Variants in UNC5C observed in about 807,000 individuals in gnomAD.
UNC5C encodes the protein unc-5 netrin receptor C, also known as netrin receptor UNC5C.
A neutral mutation model predicts 99.8 loss-of-function variants in UNC5C; 47 were observed. The ratio of observed to expected loss-of-function variants is 0.47; its 90% CI spans 0.37 to 0.60. The LOEUF is 0.60. Among genes scored for constraint, UNC5C ranks in the 20% least tolerant of loss-of-function variants. The probability of loss-of-function intolerance (pLI) is 0.00; values close to 1 mark genes in which losing one functional copy is unlikely to be tolerated. For missense variants in UNC5C, 1,062 were observed against 1,165.9 expected (o/e 0.91, Z 1.30); for synonymous variants, 487 against 452.2 (o/e 1.08, Z -0.98).
chr4:95,239,776 A>C (rs1044646834), intron 7 of UNC5C, among the ~76,000 whole-genome samples: 4 of 152,126 alleles, frequency 2.6e-5, no homozygotes, highest in Non-Finnish European at 1.5e-5. Context: ...TTAACAAGGA[A>C]ATATATCTGA....
Position 95,165,490 on chromosome 4 carries a change from C to T in UNC5C, c.*3744G>A, listed in dbSNP as rs1027016904. 1 of 152,168 alleles carries T rather than the reference C, an allele frequency of 6.6e-6. No homozygotes were observed. The highest frequency in any genetic ancestry group is 1.5e-5 in the Non-Finnish European group (1 of 68,046). The allele number at this position is 152,168 out of a possible 1,614,324, so 9.4% of individuals were successfully genotyped here. ...GTTAGCTGTGAGAACCTTGGTGTTA[C>T]ACAGGTTTGTCATCACCATGCCAGT... On this transcript the variant is annotated 3_prime_UTR_variant, in exon 16 of 16. Coordinates refer to ENST00000453304, the MANE Select transcript of UNC5C (RefSeq NM_003728.4).
chr4:95,240,290 A>AT (rs941846266), intron 7 of UNC5C, among the ~76,000 whole-genome samples: 5 of 152,080 alleles, frequency 3.3e-5, no homozygotes, highest in African/African-American at 9.7e-5. Flanking sequence ...AAACAATATT[A>AT]TTTTTTTACA....
intron 1 of UNC5C, among the ~76,000 whole-genome samples, chr4:95,522,315 C>T (rs1385490364): frequency 6.6e-6 from 1 of 152,064 alleles, no homozygotes; most frequent in African/African-American, 2.4e-5. Flanking sequence ...GAGCTTTAAA[C>T]AATCGATTTT....
intron 12 of UNC5C, among the ~76,000 whole-genome samples, chr4:95,188,307 G>A (rs1736916453): frequency 6.6e-6 from 1 of 152,108 alleles, no homozygotes; most frequent in South Asian, 2.1e-4. Flanking sequence ...TTGCACTAAA[G>A]ACGTTCATGA....
At chr4:95,405,409 C>T (rs919689746) in intron 1 of UNC5C, among the ~76,000 whole-genome samples, 2 of 152,160 alleles carry the variant, frequency 1.3e-5, no homozygotes, top group African/African-American at 4.8e-5. Context: ...AGAGCTCTTC[C>T]TTTTCACTAT....
chr4:95,227,948 G>A (rs1408289769), intron 7 of UNC5C, among the ~76,000 whole-genome samples: 1 of 152,180 alleles, frequency 6.6e-6, no homozygotes, highest in Non-Finnish European at 1.5e-5. Flanking sequence ...TCATCATTTA[G>A]ACTAGAGGTG....
chr4:95,284,913 A>C (rs1467137872), intron 3 of UNC5C, among the ~76,000 whole-genome samples: 2 of 152,082 alleles, frequency 1.3e-5, no homozygotes, highest in Non-Finnish European at 2.9e-5. Flanking sequence ...GAAAAGGGTG[A>C]GTGTGACCTA....
At chr4:95,511,370 T>C (rs137865531) in intron 1 of UNC5C, among the ~76,000 whole-genome samples, 98 of 152,226 alleles carry the variant, frequency 6.4e-4, no homozygotes, top group Non-Finnish European at 9.1e-4. Context: ...GACGTCAACA[T>C]TTTTATGGCA....
intron 3 of UNC5C, among the ~76,000 whole-genome samples, chr4:95,298,391 C>T (rs1352156530): frequency 6.6e-6 from 1 of 152,192 alleles, no homozygotes; most frequent in Admixed American, 6.5e-5. Flanking sequence ...ACACACTGCT[C>T]CCATCTTTAG....
intron 1 of UNC5C, among the ~76,000 whole-genome samples, chr4:95,426,716 C>A (rs540648527): frequency 6.6e-6 from 1 of 152,208 alleles, no homozygotes; most frequent in African/African-American, 2.4e-5. Context: ...GAAGATCAAA[C>A]CAGTCATAAC....
At chr4:95,484,548 G>A (rs902845566) in intron 1 of UNC5C, among the ~76,000 whole-genome samples, 3 of 151,862 alleles carry the variant, frequency 2.0e-5, no homozygotes, top group African/African-American at 2.4e-5. Flanking sequence ...AGATTCTCCG[G>A]TCTCTTTCTT....
Position 95,208,659 on chromosome 4 carries a change from T to G in UNC5C, c.1734-1863A>C, listed in dbSNP as rs140509252. On this transcript the variant is annotated intron_variant, in intron 10 of 15. Transcript: ENST00000453304. ...GGCAGAGACCTTTTCAAGGACACCA[T>G]TTGGAACCTCTTTCCAGTCTGATAT... is the stretch of plus-strand genomic sequence containing the variant. 3.1e-3 allele frequency among the ~76,000 whole-genome samples: 478 copies of G among 152,300 alleles called. 1 individual carries two copies. The highest frequency in any genetic ancestry group is 0.014 in the Middle Eastern group (4 of 294).
At chr4:95,488,186 T>C (rs190253757) in intron 1 of UNC5C, among the ~76,000 whole-genome samples, 1 of 151,860 alleles carries the variant, frequency 6.6e-6, no homozygotes, top group East Asian at 1.9e-4. Context: ...ATAGCAGGAA[T>C]ACTGATATTA....
At chr4:95,371,587 C>T (rs1373397605) in intron 1 of UNC5C, among the ~76,000 whole-genome samples, 1 of 152,108 alleles carries the variant, frequency 6.6e-6, no homozygotes, top group Non-Finnish European at 1.5e-5. Context: ...AGTTACTTAA[C>T]CTCTCTGTGT....
chr4:95,526,321 G>T (rs1722496705), intron 1 of UNC5C, among the ~76,000 whole-genome samples: 1 of 152,040 alleles, frequency 6.6e-6, no homozygotes, highest in African/African-American at 2.4e-5. Context: ...AATAAATTAT[G>T]TGGTCTCCCT....
At chr4:95,186,782 AG>A (rs1736848560) in intron 12 of UNC5C, among the ~76,000 whole-genome samples, 1 of 152,128 alleles carries the variant, frequency 6.6e-6, no homozygotes, top group Non-Finnish European at 1.5e-5. Context: ...CTGGCTGATG[AG>A]TAGCTATGGC....
At chr4:95,219,887 A>C in intron 8 of UNC5C, 98 bp downstream of exon 8, 1 of 1,305,946 alleles carries the variant, frequency 7.7e-7, no homozygotes, top group Non-Finnish European at 1.1e-6. Context: ...GTCTTCATGG[A>C]GCTTACATTC....
chr4:95,489,159 A>G (rs1721410990), intron 1 of UNC5C, among the ~76,000 whole-genome samples: 1 of 150,886 alleles, frequency 6.6e-6, no homozygotes, highest in South Asian at 2.1e-4. Context: ...GGAAGGAAGG[A>G]AGGAAGGAAA....
intron 1 of UNC5C, among the ~76,000 whole-genome samples, chr4:95,408,850 T>C (rs1174507940): frequency 6.6e-6 from 1 of 152,144 alleles, no homozygotes; most frequent in Non-Finnish European, 1.5e-5. Flanking sequence ...AAGTATAACA[T>C]GGAATAACCT....
Sources: gnomAD v4.1 joint callset for allele counts (sites outside exome capture counted in the v4.1 genomes callset) on GRCh38, gnomAD v4.1.1 for gene constraint, MANE v1.5 for transcripts, NCBI Gene and HGNC (gene_info 2026-07-23, HGNC 2026-07-21) for gene names.